Variants in PRKCSH observed in about 807,000 individuals in gnomAD.
The protein encoded by PRKCSH is PRKCSH beta subunit of glucosidase II.
PRKCSH carries 42 observed loss-of-function variants against 79.7 expected under a neutral mutation model. The observed-to-expected ratio is 0.53, with a 90% CI of 0.41 to 0.68. The LOEUF is 0.68. PRKCSH is among the 30% of genes least tolerant of loss of function. The pLI, the probability that PRKCSH is intolerant of heterozygous loss-of-function variation, is 0.00. For missense variants in PRKCSH, 686 were observed against 709.0 expected (o/e 0.97, Z 0.37); for synonymous variants, 325 against 288.2 (o/e 1.13, Z -1.29).
rs1970440338 is a variant in PRKCSH, at chr19:11,448,646, C to T, written c.1286+17C>T. ...CACCAACGAGTGCGTCCCAGGAATGCAGGGGCCCCCACTGGCAGGGTGGGA... is the reference window on the plus strand; with the variant it reads ...CACCAACGAGTGCGTCCCAGGAATGTAGGGGCCCCCACTGGCAGGGTGGGA... On this transcript the variant is annotated intron_variant, in intron 14 of 17. Coordinates refer to ENST00000677123, the MANE Select transcript of PRKCSH (RefSeq NM_001289104.2). This position sits in a 1 kb window ranked among gnomAD's most constrained non-coding sequence, Gnocchi z 4.4. 6.2e-7 allele frequency: 1 copy of T among 1,611,278 alleles called. No individual in the cohort carries two copies. Among genetic ancestry groups the T allele is most frequent in the East Asian group, 2.2e-5 (1 of 44,858 alleles).
chr19:11,448,136 G>T lies in PRKCSH; in HGVS notation c.1127-86G>T. On this transcript the variant is annotated intron_variant, in intron 12 of 17. Transcript: ENST00000677123. The surrounding 1 kb of genome is among the most constrained non-coding windows in gnomAD (Gnocchi z 4.4). ...TGGCCAGAGCAAAATGAGGGTATGG[G>T]AGCACACAGCCACATCCATGGAACC... 7.3e-7 allele frequency: 1 copy of T among 1,367,242 alleles called. No homozygotes were observed. The allele number at this position is 1,367,242 out of a possible 1,614,324, so 84.7% of individuals were successfully genotyped here. A position where few individuals can be genotyped will look rare whatever the true frequency, so the allele number is the denominator to read the frequency against.
At chr19:11,445,360 A>G in intron 7 of PRKCSH, 29 bp from the exon 8 acceptor site, 1 of 1,610,110 alleles carries the variant, frequency 6.2e-7, no homozygotes. Context: ...GTGGGTGGGC[A>G]GGGGGTGACA....
In PRKCSH at chr19:11,441,316, A is replaced by G. The variant is rs776879460; in HGVS notation, c.427A>G (p.Ile143Val). The change falls in exon 6 of 18, where the codon ATC becomes GTC. Residue 143 changes from isoleucine to valine, a missense_variant. Ile to Val is a conservative substitution (Grantham distance 29). This residue lies in a region of PRKCSH where 549 missense variants were observed against 520.2 expected (regional missense o/e 1.06). Transcript: ENST00000677123. ...VTREGFRLKK[I>V]LIEDWKKARE... The stretch of plus-strand genomic sequence containing the variant: ...CCGCGAAGGGTTCCGTCTGAAGAAG[A>G]TCCTTATTGAGGACTGGAAGAAGGC... The G allele has an allele frequency of 1.2e-6, 2 of 1,614,090 alleles. No homozygotes were observed. The highest frequency in any genetic ancestry group is 1.7e-6 in the Non-Finnish European group (2 of 1,179,964).
At chr19:11,439,698 C>T (rs1177430199) in intron 5 of PRKCSH, among the ~76,000 whole-genome samples, 1 of 142,268 alleles carries the variant, frequency 7.0e-6, no homozygotes, top group African/African-American at 2.6e-5. Flanking sequence ...TCGGCTCACT[C>T]TAACCTCTGC....
Position 11,437,865 on chromosome 19 carries a change from C to G in PRKCSH, c.197-11C>G. ...TGACTCCGAAAACCTTCCCTCCCTT[C>G]TTCCTCACAGGCACGGCTGCCTGTC... On this transcript the variant is annotated splice_polypyrimidine_tract_variant and intron_variant, in intron 3 of 17. Coordinates refer to ENST00000677123, the MANE Select transcript of PRKCSH (RefSeq NM_001289104.2). 6.2e-7 allele frequency: 1 copy of G among 1,613,774 alleles called. No homozygotes were observed.
chr19:11,441,538 C>T (rs1392104617), intron 6 of PRKCSH, among the ~76,000 whole-genome samples, 181 bp downstream of exon 6: 1 of 152,112 alleles, frequency 6.6e-6, no homozygotes, highest in African/African-American at 2.4e-5. Context: ...TATAATAGTT[C>T]CCGAGGGGGA....
At chr19:11,446,226 C>A (rs369112662) in intron 8 of PRKCSH, 46 bp from the exon 9 acceptor site, 15 of 1,594,650 alleles carry the variant, frequency 9.4e-6, no homozygotes, top group African/African-American at 1.3e-5. Flanking sequence ...AACTGAGAGC[C>A]ACTGGGGCCT....
Position 11,447,024 on chromosome 19 carries a change from TGGG to T in PRKCSH, c.763-47_763-45del, listed in dbSNP as rs776662966. On this transcript the variant is annotated intron_variant, in intron 9 of 17. Coordinates refer to ENST00000677123, the MANE Select transcript of PRKCSH (RefSeq NM_001289104.2). The surrounding 1 kb of genome is among the most constrained non-coding windows in gnomAD (Gnocchi z 5.6). ...AGCCCGGGTGCCGGGGTGGCCGAGATGGGGGACACGTGGTGGCCTAGATCTTGA... is the reference window on the plus strand; with the variant it reads ...AGCCCGGGTGCCGGGGTGGCCGAGATGGACACGTGGTGGCCTAGATCTTGA... 5.7e-6 allele frequency: 9 copies of T among 1,590,678 alleles called. No individual in the cohort carries two copies. The highest frequency in any genetic ancestry group is 2.7e-5 in the African/African-American group (2 of 74,318).
chr19:11,450,042 C>T (rs1461506072), intron 17 of PRKCSH: 1 of 156,332 alleles, frequency 6.4e-6, no homozygotes, highest in African/African-American at 2.4e-5. Context: ...GATGGGGTTT[C>T]CCTGTGTTAA....
chr19:11,448,084 C>A lies in PRKCSH; in HGVS notation c.1127-138C>A. On this transcript the variant is annotated intron_variant, in intron 12 of 17. Coordinates refer to ENST00000677123, the MANE Select transcript of PRKCSH (RefSeq NM_001289104.2). This position sits in a 1 kb window ranked among gnomAD's most constrained non-coding sequence, Gnocchi z 4.4. ...CGGGGCTGCTCTATAGCTGGTGAGG[C>A]CCTCAAGGCTGTCGGGGTGAAGTCC... is the stretch of plus-strand genomic sequence containing the variant. The A allele has an allele frequency of 1.1e-6, 1 of 952,340 alleles. No homozygotes were observed. Among genetic ancestry groups the A allele is most frequent in the Non-Finnish European group, 1.6e-6 (1 of 607,658 alleles). The allele number at this position is 952,340 out of a possible 1,614,324, so 59.0% of individuals were successfully genotyped here.
chr19:11,449,574 A>C lies in PRKCSH; in HGVS notation c.*16+146A>C. 9.0e-7 allele frequency: 1 copy of C among 1,114,266 alleles called. No individual in the cohort carries two copies. The highest frequency in any genetic ancestry group is 1.3e-6 in the Non-Finnish European group (1 of 783,138). 69.0% of individuals were successfully genotyped at this position (1,114,266 alleles called of 1,614,324 possible). ...TTTTGTTTTTTTGAGGTGGAGTCTC[A>C]CTCTTTGGCCCAGGCTGGAGTGCAG... On this transcript the variant is annotated intron_variant, in intron 17 of 17. Transcript: ENST00000677123. This position sits in a 1 kb window ranked among gnomAD's most constrained non-coding sequence, Gnocchi z 6.4.
In PRKCSH at chr19:11,447,779, CT is replaced by C; in HGVS notation, c.1118del (p.Phe373SerfsTer19). ...CGCCCTACGACGAGCAGACGCAGGC[CT>C]TCATCGATGGTGAGGGTGGGCGGGG... is the stretch of plus-strand genomic sequence containing the variant. ...MPPYDEQTQA[F>X]IDAAQEARNK... On this transcript the variant is annotated frameshift_variant, in exon 12 of 18. Coordinates refer to ENST00000677123, the MANE Select transcript of PRKCSH (RefSeq NM_001289104.2). LOFTEE classifies it high-confidence loss of function. This position sits in a 1 kb window ranked among gnomAD's most constrained non-coding sequence, Gnocchi z 5.6. The C allele has an allele frequency of 6.3e-7, 1 of 1,578,930 alleles. No homozygotes were observed. The highest frequency in any genetic ancestry group is 8.6e-7 in the Non-Finnish European group (1 of 1,163,742).
At position 11,445,726 on chromosome 19, in the gene PRKCSH, T is replaced by C. The variant is rs1970266488; in HGVS notation, c.683+253T>C. On this transcript the variant is annotated intron_variant, in intron 8 of 17. Transcript: ENST00000677123. ...GACCCTCAGCCTCAGGGAGTGTGTC[T>C]AGGCATCTAGTGATCGGATGGCTTT... 17 of 564,642 alleles carry C rather than the reference T, an allele frequency of 3.0e-5. No homozygotes were observed. In the South Asian group the frequency reaches 3.3e-4, roughly 11 times the overall value. The allele number at this position is 564,642 out of a possible 1,614,324, so 35.0% of individuals were successfully genotyped here.
chr19:11,436,521 G>T lies in PRKCSH; in HGVS notation c.196+16G>T, dbSNP rs747067183. On this transcript the variant is annotated intron_variant, in intron 3 of 17. Transcript: ENST00000677123. ...GACGAGCCAGGTGAGCCTTTTCTCT[G>T]TTCATCCATCAGATGTTTATTGAAC... 1 of 1,582,760 alleles carries T rather than the reference G, an allele frequency of 6.3e-7. No homozygotes were observed. The highest frequency in any genetic ancestry group is 8.7e-7 in the Non-Finnish European group (1 of 1,153,890).
chr19:11,438,118 C>T lies in PRKCSH; in HGVS notation c.344C>T (p.Thr115Ile), dbSNP rs1004542318. The stretch of plus-strand genomic sequence containing the variant: ...AACAGCGGCGTCATCTGTGAGAACA[C>T]CTGCAAGTACGTGGGTGACAGTACC... Reference protein sequence around the residue: ...EYNSGVICENTCKEKGRKERE... With the variant: ...EYNSGVICENICKEKGRKERE... The change falls in exon 5 of 18, where the codon ACC (threonine) becomes ATC (isoleucine). Residue 115 changes from threonine (T) to isoleucine (I), a missense_variant. Around this residue, in one of 2 missense-constraint regions of PRKCSH, gnomAD observed 549 missense variants for 520.2 expected, o/e 1.06. Transcript: ENST00000677123. 15 of 1,614,106 alleles carry T rather than the reference C, an allele frequency of 9.3e-6. No homozygotes were observed. The highest frequency in any genetic ancestry group is 2.7e-5 in the African/African-American group (2 of 75,040).
rs376199050 is a variant in PRKCSH at position 11,441,369 on chromosome 19, G to T, written c.468+12G>T. 5.0e-6 allele frequency: 8 copies of T among 1,612,654 alleles called. No homozygotes were observed. In the African/African-American group the frequency reaches 6.7e-5, roughly 13 times the overall value. On this transcript the variant is annotated intron_variant, in intron 6 of 17. Coordinates refer to ENST00000677123, the MANE Select transcript of PRKCSH (RefSeq NM_001289104.2). ...GGGAGGAGAAGCAGGTAAGGAACCCGCGGGGGCTGCCCCAGGGTGATCTGG... is the reference window on the plus strand; with the variant it reads ...GGGAGGAGAAGCAGGTAAGGAACCCTCGGGGGCTGCCCCAGGGTGATCTGG...
At chr19:11,446,714 G>C (rs1052769840) in intron 9 of PRKCSH, among the ~76,000 whole-genome samples, 2 of 149,390 alleles carry the variant, frequency 1.3e-5, no homozygotes, top group Non-Finnish European at 3.0e-5. Flanking sequence ...TCCCTTCTCT[G>C]CCCACCCCTG....
chr19:11,443,936 C>T (rs961930088), intron 7 of PRKCSH, among the ~76,000 whole-genome samples: 4 of 151,994 alleles, frequency 2.6e-5, no homozygotes, highest in Non-Finnish European at 5.9e-5. Flanking sequence ...CCACCACAGC[C>T]GGCTAATTTT....
Position 11,441,370 on chromosome 19 carries a change from C to T in PRKCSH, c.468+13C>T, listed in dbSNP as rs370898082. ...GGAGGAGAAGCAGGTAAGGAACCCG[C>T]GGGGGCTGCCCCAGGGTGATCTGGG... On this transcript the variant is annotated intron_variant, in intron 6 of 17. Coordinates refer to ENST00000677123, the MANE Select transcript of PRKCSH (RefSeq NM_001289104.2). 52 of 1,612,238 alleles carry T rather than the reference C, an allele frequency of 3.2e-5. No homozygotes were observed. Among genetic ancestry groups the T allele is most frequent in the African/African-American group, 8.0e-5 (6 of 74,884 alleles).
Sources: gnomAD v4.1 joint callset for allele counts (sites outside exome capture counted in the v4.1 genomes callset) on GRCh38, gnomAD v4.1.1 for gene constraint, gnomAD v4.1.1 regional missense constraint, Gnocchi (gnomAD v3.1) non-coding constraint, MANE v1.5 for transcripts, NCBI Gene and HGNC (gene_info 2026-07-23, HGNC 2026-07-21) for gene names.